Variants in POLI observed in about 807,000 individuals in gnomAD.
POLI encodes DNA polymerase iota, also known as RAD30 homolog B.
In POLI, 58 loss-of-function variants were observed where a neutral mutation model predicts 51.6. That is an observed-to-expected ratio of 1.12 (90% CI 0.91 to 1.40). The LOEUF (loss-of-function observed/expected upper bound fraction) is 1.40. Among genes scored for constraint, POLI ranks in the 40% most tolerant of loss-of-function variants. POLI has a pLI of 0.00. For missense variants in POLI, 921 were observed against 871.3 expected, an observed-to-expected ratio of 1.06 and a Z score of -0.72; for synonymous variants, 322 against 299.7, an observed-to-expected ratio of 1.07 and a Z score of -0.77.
rs1225877959 is a variant in POLI, at chr18:54,282,820, C to T, written c.797-17C>T. 7.2e-7 allele frequency: 1 copy of T among 1,382,134 alleles called. No homozygotes were observed. Among genetic ancestry groups the T allele is most frequent in the Middle Eastern group, 1.8e-4 (1 of 5,564 alleles). The allele number at this position is 1,382,134 out of a possible 1,614,324, so 85.6% of individuals were successfully genotyped here. On this transcript the variant is annotated splice_polypyrimidine_tract_variant and intron_variant, in intron 5 of 9. Coordinates refer to ENST00000579534, the MANE Select transcript of POLI (RefSeq NM_007195.3). The stretch of plus-strand genomic sequence containing the variant: ...AGAAAAGCTATTTTAACATTGTATG[C>T]ATTTCTTTTTATTTAGGTATTGGCT...
intron 4 of POLI, among the ~76,000 whole-genome samples, chr18:54,278,781 G>C (rs1363911346): frequency 6.6e-6 from 1 of 152,186 alleles, no homozygotes; most frequent in African/African-American, 2.4e-5. Context: ...GACTCTGCTG[G>C]TGACTCCCCT....
chr18:54,310,654 G>A (rs2088658158), intron 3 of POLI, among the ~76,000 whole-genome samples: 1 of 151,806 alleles, frequency 6.6e-6, no homozygotes. Context: ...TTTCTAAGTT[G>A]TATTTATTAT....
chr18:54,308,514 A>C (rs2088624215), intron 3 of POLI, among the ~76,000 whole-genome samples: 1 of 151,778 alleles, frequency 6.6e-6, no homozygotes, highest in Admixed American at 6.6e-5. Flanking sequence ...TGCCCTTAAC[A>C]TTTTTTCCTT....
At chr18:54,275,365 T>A (rs1466341688) in intron 3 of POLI, among the ~76,000 whole-genome samples, 1 of 152,040 alleles carries the variant, frequency 6.6e-6, no homozygotes, top group African/African-American at 2.4e-5. Context: ...TAAAGACATA[T>A]GTACAACAAT....
rs1418425683 is a variant in POLI, at chr18:54,280,780, G to C, written c.673G>C (p.Ala225Pro). 2 of 1,613,646 alleles carry C rather than the reference G, an allele frequency of 1.2e-6. No homozygotes were observed. The highest frequency in any genetic ancestry group is 8.5e-7 in the Non-Finnish European group (1 of 1,179,630). ...GGGGCTCACTGGCTGTGCTGGAGTG[G>C]CTTCTAATAAACTGTTGGCAAAATT... ...QLGLTGCAGV[A>P]SNKLLAKLVS... Residue 225 changes from alanine to proline, a missense_variant, in exon 5 of 10, where the codon GCT (alanine) becomes CCT (proline). By Grantham distance (27) the Ala-to-Pro change is conservative. Transcript: ENST00000579534.
chr18:54,311,528 A>ACCAAACC (rs1257487923), intron 3 of POLI, among the ~76,000 whole-genome samples: 1 of 152,200 alleles, frequency 6.6e-6, no homozygotes, highest in Non-Finnish European at 1.5e-5. Context: ...ATTTATCTAA[A>ACCAAACC]CCAAACCTAT....
intron 3 of POLI, among the ~76,000 whole-genome samples, chr18:54,277,006 A>G (rs1893454018): frequency 6.6e-6 from 1 of 152,198 alleles, no homozygotes; most frequent in Non-Finnish European, 1.5e-5. Context: ...ATTAGTCTCA[A>G]TGTTAATATA....
downstream of POLI, among the ~76,000 whole-genome samples, chr18:54,300,747 TTAAAAG>T (rs2088476179): frequency 2.0e-5 from 3 of 152,020 alleles, no homozygotes; most frequent in East Asian, 1.9e-4. Flanking sequence ...GACAAATATG[TTAAAAG>T]TAAAAATTGG....
Position 54,287,269 on chromosome 18 carries a change from C to G in POLI, c.1068-12C>G, listed in dbSNP as rs772357533. On this transcript the variant is annotated splice_polypyrimidine_tract_variant and intron_variant, in intron 7 of 9. Transcript: ENST00000579534. The stretch of plus-strand genomic sequence containing the variant: ...TTCTAATTCCTTATTTCCACTTTCT[C>G]TTTATTTTTAGAGTATGCCAAGATG... 2.7e-5 allele frequency: 41 copies of G among 1,527,924 alleles called. No individual in the cohort carries two copies. The South Asian group carries it at 5.0e-4, about 18-fold the overall frequency. The allele number at this position is 1,527,924 out of a possible 1,614,324, so 94.6% of individuals were successfully genotyped here.
In POLI at chr18:54,291,953, C is replaced by G. The variant is rs1568141236; in HGVS notation, c.1319C>G (p.Ala440Gly). The change falls in exon 9 of 10, where the codon GCA becomes GGA. Residue 440 changes from alanine (A) to glycine (G), a missense_variant. By Grantham distance (60) the Ala-to-Gly change is moderately conservative. Coordinates refer to ENST00000579534, the MANE Select transcript of POLI (RefSeq NM_007195.3). ...AGTGTGTGCTTCTGCAACCTTAAAG[C>G]ACTAAATACTGCTAAGAAAGGGCTT... ...LLSVCFCNLK[A>G]LNTAKKGLID... 2 of 1,609,772 alleles carry G rather than the reference C, an allele frequency of 1.2e-6. No individual in the cohort carries two copies. The highest frequency in any genetic ancestry group is 1.7e-6 in the Non-Finnish European group (2 of 1,176,584).
chr18:54,293,352 A>T (rs1229924880), intron 9 of POLI, among the ~76,000 whole-genome samples: 1 of 152,030 alleles, frequency 6.6e-6, no homozygotes, highest in African/African-American at 2.4e-5. Context: ...TTATTTATAG[A>T]ATTGAAAGTT....
At chr18:54,308,987 C>A (rs145495104) in intron 3 of POLI, among the ~76,000 whole-genome samples, 2,496 of 152,240 alleles carry the variant, frequency 0.016, 39 homozygotes, top group Non-Finnish European at 0.028. Flanking sequence ...TTCGTCTAAT[C>A]TTTTTTCAAG....
intron 5 of POLI, among the ~76,000 whole-genome samples, chr18:54,281,762 T>A (rs536227424): frequency 1.4e-4 from 20 of 145,382 alleles, no homozygotes; most frequent in Middle Eastern, 3.5e-3. Flanking sequence ...TTTTTTTTTT[T>A]AACAGGCTTT....
chr18:54,269,944 TC>T, intron 1 of POLI: 1 of 1,179,514 alleles, frequency 8.5e-7, no homozygotes, highest in South Asian at 3.7e-5. Context: ...GGGGCGGGAA[TC>T]CCTCAGCCAG....
At chr18:54,287,000 T>G (rs1322072758) in intron 7 of POLI, among the ~76,000 whole-genome samples, 1 of 152,112 alleles carries the variant, frequency 6.6e-6, no homozygotes, top group African/African-American at 2.4e-5. Context: ...TATAAAACAG[T>G]TTGTTATGAT....
At chr18:54,280,424 A>G (rs1337291678) in intron 4 of POLI, among the ~76,000 whole-genome samples, 1 of 152,178 alleles carries the variant, frequency 6.6e-6, no homozygotes, top group Non-Finnish European at 1.5e-5. Flanking sequence ...TAATCTATTC[A>G]TGAGGGATCC....
rs1599142784 is a variant in POLI at position 54,269,663 on chromosome 18, T to G, written c.115+2T>G. On this transcript the variant is annotated splice_donor_variant, in intron 1 of 9. Coordinates refer to ENST00000579534, the MANE Select transcript of POLI (RefSeq NM_007195.3). LOFTEE classifies it high-confidence loss of function. ...TGGGGGCGGCAGCCAGCTCGCAGGG[T>G]GCGCCGCAGCCAGAGGAGCCAGCGG... 1.3e-6 allele frequency: 2 copies of G among 1,504,264 alleles called. No individual in the cohort carries two copies. The highest frequency in any genetic ancestry group is 1.8e-6 in the Non-Finnish European group (2 of 1,130,648). The allele number at this position is 1,504,264 out of a possible 1,614,324, so 93.2% of individuals were successfully genotyped here. A position where few individuals can be genotyped will look rare whatever the true frequency, so the allele number is the denominator to read the frequency against.
Position 54,297,042 on chromosome 18 carries a change from T to TCC in POLI, c.*2575_*2576insCC, listed in dbSNP as rs2088364895. 1.0e-6 allele frequency: 1 copy of TCC among 985,292 alleles called. No homozygotes were observed. Among genetic ancestry groups the TCC allele is most frequent in the Non-Finnish European group, 1.2e-6 (1 of 829,924 alleles). The allele number at this position is 985,292 out of a possible 1,614,324, so 61.0% of individuals were successfully genotyped here. A position where few individuals can be genotyped will look rare whatever the true frequency, so the allele number is the denominator to read the frequency against. On this transcript the variant is annotated 3_prime_UTR_variant, in exon 10 of 10. Coordinates refer to ENST00000579534, the MANE Select transcript of POLI (RefSeq NM_007195.3). ...GATTTGAGTTCGTTGCTTCTCTGGG[T>TCC]GAGGTGGTACAAACTCCTTGGCATA...
intron 9 of POLI, 40 bp downstream of exon 9, chr18:54,292,078 CTT>C (rs34362008): frequency 0.058 from 70,096 of 1,200,316 alleles, 2,377 homozygotes; most frequent in African/African-American, 0.088. Flanking sequence ...TAAGTATACT[CTT>C]ATGGGATTTG....
Sources: gnomAD v4.1 joint callset for allele counts (sites outside exome capture counted in the v4.1 genomes callset) on GRCh38, gnomAD v4.1.1 for gene constraint, MANE v1.5 for transcripts, NCBI Gene and HGNC (gene_info 2026-07-23, HGNC 2026-07-21) for gene names.